The following MAD1L1 variants were observed in gnomAD, a reference collection of about 807,000 sequenced individuals.
MAD1L1 encodes the protein mitotic arrest deficient 1 like 1.
A neutral mutation model predicts 96.9 loss-of-function variants in MAD1L1; 95 were observed. That is an observed-to-expected ratio of 0.98 (90% CI 0.83 to 1.16). The LOEUF is 1.16. Ranked by LOEUF, MAD1L1 falls within the 50% of genes most tolerant of loss-of-function variation. The pLI is 0.00. For synonymous variants in MAD1L1, 473 were observed against 396.6 expected (o/e 1.19, Z -2.29); for missense variants, 1,007 against 954.4 (o/e 1.06, Z -0.73).
At chr7:2,046,580 G>A (rs974730833) in intron 12 of MAD1L1, among the ~76,000 whole-genome samples, 2 of 152,158 alleles carry the variant, frequency 1.3e-5, no homozygotes, top group Admixed American at 6.5e-5. Context: ...GGAACTCTGC[G>A]TGGCGATCAT....
intron 11 of MAD1L1, among the ~76,000 whole-genome samples, chr7:2,077,759 C>G (rs1785447761): frequency 6.6e-6 from 1 of 152,210 alleles, no homozygotes; most frequent in African/African-American, 2.4e-5. Flanking sequence ...CAGTGGACAG[C>G]CTGCCCTGCT....
chr7:2,203,167 A>G (rs1637737), intron 10 of MAD1L1, among the ~76,000 whole-genome samples: 7,697 of 152,300 alleles, frequency 0.051, 416 homozygotes, highest in African/African-American at 0.13. Flanking sequence ...AAGGAGCCAA[A>G]AACAGCGGCA....
chr7:2,071,171 A>G (rs1333214405), intron 11 of MAD1L1, among the ~76,000 whole-genome samples: 1 of 152,212 alleles, frequency 6.6e-6, no homozygotes. Context: ...CACTGGACTC[A>G]TGTTTGAGTG....
At chr7:1,910,368 C>T (rs1055917312) in intron 17 of MAD1L1, among the ~76,000 whole-genome samples, 2 of 152,216 alleles carry the variant, frequency 1.3e-5, no homozygotes, top group Admixed American at 6.5e-5. Context: ...AATCCAGCTC[C>T]ACGGTCTCTG....
intron 14 of MAD1L1, among the ~76,000 whole-genome samples, chr7:2,000,980 A>C (rs918989641): frequency 2.0e-5 from 3 of 152,108 alleles, no homozygotes; most frequent in African/African-American, 7.2e-5. Context: ...TTCCAACCCC[A>C]TCCAACCCTG....
At chr7:2,215,253 C>A (rs1793201709) in intron 9 of MAD1L1, among the ~76,000 whole-genome samples, 1 of 151,964 alleles carries the variant, frequency 6.6e-6, no homozygotes, top group African/African-American at 2.4e-5. Flanking sequence ...TGGCGCACGC[C>A]TGTAGTCCCA....
intron 11 of MAD1L1, among the ~76,000 whole-genome samples, chr7:2,087,177 G>T (rs908086932): frequency 6.6e-6 from 1 of 152,106 alleles, no homozygotes. Flanking sequence ...CTGTGGTGGG[G>T]GATGCTCAGT....
chr7:2,094,164 C>T (rs563654628), intron 11 of MAD1L1, among the ~76,000 whole-genome samples: 2 of 152,338 alleles, frequency 1.3e-5, no homozygotes, highest in South Asian at 2.1e-4. Context: ...GTGGCCTCAA[C>T]GCCAGCCACA....
At chr7:2,080,697 T>G (rs1276129661) in intron 11 of MAD1L1, among the ~76,000 whole-genome samples, 1 of 152,206 alleles carries the variant, frequency 6.6e-6, no homozygotes, top group Non-Finnish European at 1.5e-5. Context: ...AGAGCAGCCC[T>G]GCTGTCGGCT....
At chr7:1,960,787 T>C (rs1034970834) in intron 15 of MAD1L1, among the ~76,000 whole-genome samples, 7 of 152,214 alleles carry the variant, frequency 4.6e-5, no homozygotes, top group African/African-American at 1.7e-4. Flanking sequence ...ATCAGCCAAC[T>C]TGACCTATTT....
At chr7:2,084,306 G>A (rs1042372846) in intron 11 of MAD1L1, among the ~76,000 whole-genome samples, 24 of 152,190 alleles carry the variant, frequency 1.6e-4, no homozygotes, top group East Asian at 1.9e-4. Flanking sequence ...AGGTGTGGCC[G>A]GACCCGCCAC....
chr7:1,902,559 G>C (rs752382679), intron 17 of MAD1L1, among the ~76,000 whole-genome samples: 2 of 152,226 alleles, frequency 1.3e-5, no homozygotes, highest in Admixed American at 6.5e-5. Context: ...TAAAGGTACC[G>C]ACGGATCTTA....
chr7:2,131,570 C>A (rs1035065285), intron 11 of MAD1L1, among the ~76,000 whole-genome samples: 2 of 152,264 alleles, frequency 1.3e-5, no homozygotes, highest in African/African-American at 2.4e-5. Context: ...TGCGCAGGCA[C>A]TGATGGTGTC....
intron 17 of MAD1L1, among the ~76,000 whole-genome samples, chr7:1,931,407 T>A (rs183249064): frequency 6.6e-6 from 1 of 152,336 alleles, no homozygotes; most frequent in East Asian, 1.9e-4. Context: ...AACTTTAGAT[T>A]TACATGCACA....
At chr7:1,898,949 C>T (rs1159274879) in intron 17 of MAD1L1, among the ~76,000 whole-genome samples, 3 of 152,334 alleles carry the variant, frequency 2.0e-5, no homozygotes, top group African/African-American at 7.2e-5. Context: ...ACGCCTACCC[C>T]ACAGGAGCCA....
chr7:2,042,689 T>C (rs1472452670), intron 12 of MAD1L1, among the ~76,000 whole-genome samples: 1 of 152,186 alleles, frequency 6.6e-6, no homozygotes, highest in Non-Finnish European at 1.5e-5. Context: ...GTGTCTCTCT[T>C]GCTCCTGCTC....
chr7:1,983,149 C>G (rs1583992746), intron 14 of MAD1L1, among the ~76,000 whole-genome samples: 1 of 18,006 alleles, frequency 5.6e-5, no homozygotes, highest in Non-Finnish European at 1.3e-4. Context: ...CGCGCGCGCG[C>G]GCGCGCACAC....
chr7:2,008,509 G>A lies in MAD1L1; in HGVS notation c.1359+5993C>T, dbSNP rs150980655. Reference sequence around the variant, plus strand: ...AGCTCCCCAAGCTCAGGTTGGCTCCGCAAGGCAGTGTAGGGTGCAGCCTGT... The same window carrying A: ...AGCTCCCCAAGCTCAGGTTGGCTCCACAAGGCAGTGTAGGGTGCAGCCTGT... On this transcript the variant is annotated intron_variant, in intron 13 of 18. Coordinates refer to ENST00000265854, the MANE Select transcript of MAD1L1 (RefSeq NM_001013836.2). 8.0e-3 allele frequency among the ~76,000 whole-genome samples: 1,223 copies of A among 152,356 alleles called. 28 individuals are homozygous for A. Among genetic ancestry groups the A allele is most frequent in the African/African-American group, 0.028 (1,165 of 41,590 alleles).
At chr7:1,963,899 G>A (rs1377177749) in intron 15 of MAD1L1, among the ~76,000 whole-genome samples, 2 of 152,248 alleles carry the variant, frequency 1.3e-5, no homozygotes, top group African/African-American at 4.8e-5. Flanking sequence ...TGGCCGTGCA[G>A]TGTGAGACCT....
Sources: gnomAD v4.1 joint callset for allele counts (sites outside exome capture counted in the v4.1 genomes callset) on GRCh38, gnomAD v4.1.1 for gene constraint, MANE v1.5 for transcripts, NCBI Gene and HGNC (gene_info 2026-07-23, HGNC 2026-07-21) for gene names.